The following PCDHGA11 variants were observed in gnomAD, a reference collection of about 807,000 sequenced individuals.
The protein encoded by PCDHGA11 is protocadherin gamma subfamily A, 11, also known as protocadherin gamma-A11.
A neutral mutation model predicts 60.4 loss-of-function variants in PCDHGA11; 39 were observed. That is an observed-to-expected ratio of 0.65 (90% CI 0.50 to 0.84). The LOEUF (loss-of-function observed/expected upper bound fraction) is 0.84, where lower values mean the gene tolerates loss of function less well. Among genes scored for constraint, PCDHGA11 ranks in the 40% least tolerant of loss-of-function variants. The probability of loss-of-function intolerance (pLI) is 0.00; values close to 1 mark genes in which losing one functional copy is unlikely to be tolerated. For synonymous variants in PCDHGA11, 533 were observed against 510.3 expected, an observed-to-expected ratio of 1.04 and a Z score of -0.60; for missense variants, 1,165 against 1,197.7, an observed-to-expected ratio of 0.97 and a Z score of 0.40.
At chr5:141,434,392 CA>C (rs1377925864) in intron 1 of PCDHGA11, among the ~76,000 whole-genome samples, 2 of 152,210 alleles carry the variant, frequency 1.3e-5, no homozygotes, top group Non-Finnish European at 2.9e-5. Context: ...TGGCCATAAA[CA>C]AAATCTCTGC....
chr5:141,421,222 C>T lies in PCDHGA11; in HGVS notation c.-6C>T. On this transcript the variant is annotated 5_prime_UTR_variant, in exon 1 of 4. Transcript: ENST00000398587. ...GAAACCGCGGAATATCGGCTTAGAGCCTGCCATGGCGAATCGGCTACAGCG... is the reference window on the plus strand; with the variant it reads ...GAAACCGCGGAATATCGGCTTAGAGTCTGCCATGGCGAATCGGCTACAGCG... 1 of 1,576,946 alleles carries T rather than the reference C, an allele frequency of 6.3e-7. No individual in the cohort carries two copies. Among genetic ancestry groups the T allele is most frequent in the Non-Finnish European group, 8.6e-7 (1 of 1,164,150 alleles).
At chr5:141,429,647 T>C (rs1430094173) in intron 1 of PCDHGA11, among the ~76,000 whole-genome samples, 2 of 152,272 alleles carry the variant, frequency 1.3e-5, no homozygotes, top group African/African-American at 4.8e-5. Flanking sequence ...TATATATTTC[T>C]TCCCAATTTA....
intron 1 of PCDHGA11, among the ~76,000 whole-genome samples, chr5:141,447,082 T>A (rs1259827606): frequency 6.6e-6 from 1 of 152,156 alleles, no homozygotes; most frequent in Non-Finnish European, 1.5e-5. Flanking sequence ...ATTTTTGTTG[T>A]TTAATTTTCT....
chr5:141,482,099 A>AG (rs1423781570), intron 1 of PCDHGA11, among the ~76,000 whole-genome samples: 1 of 151,852 alleles, frequency 6.6e-6, no homozygotes, highest in African/African-American at 2.4e-5. Flanking sequence ...CAAAAAAAAA[A>AG]AAAAAATATC....
chr5:141,441,057 A>T (rs2098222263), intron 1 of PCDHGA11: 2 of 152,152 alleles, frequency 1.3e-5, no homozygotes, highest in South Asian at 4.1e-4. Flanking sequence ...ACTTTTAAAG[A>T]TTTTTAATTT....
Position 141,476,757 on chromosome 5 carries a change from T to C in PCDHGA11, c.2434-18050T>C. On this transcript the variant is annotated intron_variant, in intron 1 of 3. Coordinates refer to ENST00000398587, the MANE Select transcript of PCDHGA11 (RefSeq NM_018914.3). This position sits in a 1 kb window ranked among gnomAD's most constrained non-coding sequence, Gnocchi z 7.6. ...CGGGAGCCTAGTCTCCAGTTAGTGC[T>C]GACGGCGTTGGACGGAGGGACCCCA... 1.2e-6 allele frequency: 2 copies of C among 1,613,906 alleles called. No individual in the cohort carries two copies. The highest frequency in any genetic ancestry group is 1.7e-6 in the Non-Finnish European group (2 of 1,180,004).
intron 1 of PCDHGA11, among the ~76,000 whole-genome samples, chr5:141,472,590 C>G (rs1161871973): frequency 6.6e-6 from 1 of 151,908 alleles, no homozygotes; most frequent in African/African-American, 2.4e-5. Flanking sequence ...GTCAGAAGCT[C>G]TCTTGAAATT....
intron 3 of PCDHGA11, among the ~76,000 whole-genome samples, chr5:141,510,329 A>T (rs1433056614): frequency 2.7e-5 from 4 of 150,230 alleles, no homozygotes; most frequent in Admixed American, 2.7e-4. Flanking sequence ...AGCACTCTTC[A>T]CCCCCACCCC....
At position 141,486,392 on chromosome 5, in the gene PCDHGA11, C is replaced by T; in HGVS notation, c.2434-8415C>T. ...GTCTGCCTTCAGGAACCAGTTCTCC[C>T]TGGTGACTGCTGGACCCTTGGATCG... On this transcript the variant is annotated intron_variant, in intron 1 of 3. Coordinates refer to ENST00000398587, the MANE Select transcript of PCDHGA11 (RefSeq NM_018914.3). The surrounding 1 kb of genome is among the most constrained non-coding windows in gnomAD (Gnocchi z 5.0). 1 of 1,614,170 alleles carries T rather than the reference C, an allele frequency of 6.2e-7. No individual in the cohort carries two copies. Among genetic ancestry groups the T allele is most frequent in the Non-Finnish European group, 8.5e-7 (1 of 1,180,014 alleles).
intron 1 of PCDHGA11, chr5:141,427,307 T>C (rs745903769): frequency 4.4e-6 from 2 of 456,906 alleles, no homozygotes; most frequent in South Asian, 1.5e-5. Flanking sequence ...AGAATGACAA[T>C]GCCCCAGACG....
chr5:141,503,894 T>C (rs898125492), intron 2 of PCDHGA11, among the ~76,000 whole-genome samples: 2 of 152,144 alleles, frequency 1.3e-5, no homozygotes, highest in African/African-American at 4.8e-5. Flanking sequence ...CATGACAAAA[T>C]ATGCACACAC....
Position 141,491,436 on chromosome 5 carries a change from G to A in PCDHGA11, c.2434-3371G>A, listed in dbSNP as rs771884610. ...ACGGGGGTGGAGGGCAGTGCTGCAG[G>A]CGCCAGGACTCACCCTCCCCGGACT... On this transcript the variant is annotated intron_variant, in intron 1 of 3. Coordinates refer to ENST00000398587, the MANE Select transcript of PCDHGA11 (RefSeq NM_018914.3). This position sits in a 1 kb window ranked among gnomAD's most constrained non-coding sequence, Gnocchi z 6.9. 1 of 1,614,070 alleles carries A rather than the reference G, an allele frequency of 6.2e-7. No individual in the cohort carries two copies. The highest frequency in any genetic ancestry group is 8.5e-7 in the Non-Finnish European group (1 of 1,180,034).
intron 1 of PCDHGA11, among the ~76,000 whole-genome samples, chr5:141,463,839 T>C (rs1356261890): frequency 1.3e-5 from 2 of 152,240 alleles, no homozygotes; most frequent in African/African-American, 4.8e-5. Flanking sequence ...TTCCCAGTTG[T>C]TATAGTGGTA....
chr5:141,471,003 C>A (rs2099246040), intron 1 of PCDHGA11, among the ~76,000 whole-genome samples: 1 of 151,658 alleles, frequency 6.6e-6, no homozygotes, highest in East Asian at 1.9e-4. Flanking sequence ...AGGCATGAGC[C>A]ACTGTGCCTG....
At chr5:141,475,571 G>A (rs1426547386) in intron 1 of PCDHGA11, among the ~76,000 whole-genome samples, 1 of 152,212 alleles carries the variant, frequency 6.6e-6, no homozygotes, top group East Asian at 1.9e-4. Context: ...CTTCCAACAA[G>A]CCAGATTTGT....
chr5:141,435,073 G>A (rs535689336), intron 1 of PCDHGA11, among the ~76,000 whole-genome samples: 150 of 151,756 alleles, frequency 9.9e-4, no homozygotes, highest in Middle Eastern at 3.4e-3. Flanking sequence ...TGTGTAGACC[G>A]TCTGATAACA....
chr5:141,490,363 C>A lies in PCDHGA11; in HGVS notation c.2434-4444C>A. The A allele has an allele frequency of 6.2e-7, 1 of 1,614,154 alleles. No individual in the cohort carries two copies. Among genetic ancestry groups the A allele is most frequent in the South Asian group, 1.1e-5 (1 of 91,078 alleles). On this transcript the variant is annotated intron_variant, in intron 1 of 3. Coordinates refer to ENST00000398587, the MANE Select transcript of PCDHGA11 (RefSeq NM_018914.3). The surrounding 1 kb of genome is among the most constrained non-coding windows in gnomAD (Gnocchi z 5.4). Reference sequence around the variant, plus strand: ...CACAGTAGTGGGGTTGTTTAATGTGCGAGACCGGGACTCAGGTAGAAATGG... The same window carrying A: ...CACAGTAGTGGGGTTGTTTAATGTGAGAGACCGGGACTCAGGTAGAAATGG...
At chr5:141,462,335 A>G in intron 1 of PCDHGA11, among the ~76,000 whole-genome samples, 1 of 152,220 alleles carries the variant, frequency 6.6e-6, no homozygotes, top group East Asian at 1.9e-4. Context: ...ATTTAATTGT[A>G]TTGTGATCCA....
At chr5:141,438,591 CATATATATATATATATAT>C (rs946798767) in intron 1 of PCDHGA11, among the ~76,000 whole-genome samples, 2 of 75,562 alleles carry the variant, frequency 2.6e-5, no homozygotes, top group Non-Finnish European at 5.4e-5. Context: ...TACATACATA[CATATATATATATATATAT>C]ATATATATAT....
Sources: allele counts gnomAD v4.1 joint callset (sites outside exome capture counted in the v4.1 genomes callset), GRCh38; gene constraint gnomAD v4.1.1; non-coding constraint Gnocchi (gnomAD v3.1); transcripts MANE v1.5; gene names NCBI Gene and HGNC (gene_info 2026-07-23, HGNC 2026-07-21).